The following RBBP7 variants were observed in gnomAD, a reference collection of about 807,000 sequenced individuals.
RBBP7 encodes RB binding protein 7, chromatin remodeling factor.
RBBP7 carries 5 observed loss-of-function variants against 35.2 expected under a neutral mutation model. The observed-to-expected ratio is 0.14, with a 90% CI of 0.07 to 0.30. RBBP7 has a LOEUF of 0.30. Ranked by LOEUF, RBBP7 falls within the 10% of genes least tolerant of loss-of-function variation. The probability of loss-of-function intolerance (pLI) is 1.00; values close to 1 mark genes in which losing one functional copy is unlikely to be tolerated. For missense variants in RBBP7, 155 were observed against 327.5 expected (o/e 0.47, Z 4.07); for synonymous variants, 140 against 118.7 (o/e 1.18, Z -1.17).
chrX:16,865,353 G>GT (rs765069710), intron 2 of RBBP7, among the ~76,000 whole-genome samples: 1 of 112,157 alleles, frequency 8.9e-6, no homozygotes, highest in East Asian at 2.8e-4. Flanking sequence ...AAAGTCACTT[G>GT]TTTTTTGTGG....
At chrX:16,867,142 T>G (rs921010004) in intron 2 of RBBP7, among the ~76,000 whole-genome samples, 1 of 111,801 alleles carries the variant, frequency 8.9e-6, no homozygotes, top group Non-Finnish European at 1.9e-5. Flanking sequence ...CCACTTACCG[T>G]GTACTTATGC....
intron 10 of RBBP7, chrX:16,846,441 A>G (rs1205653413): frequency 1.8e-5 from 2 of 111,375 alleles, no homozygotes; most frequent in Non-Finnish European, 3.8e-5. Flanking sequence ...TCCCCTCTCC[A>G]CTTTACTGAG....
rs759114741 is a variant in RBBP7, at chrX:16,862,323, A to G, written c.307+632T>C. On this transcript the variant is annotated intron_variant, in intron 3 of 11. Transcript: ENST00000380087. ...CATGGGAATACCAAAACAGGAGAGT[A>G]TATGTTTGACAAATTAAAAAAAGAA... Among the ~76,000 whole-genome samples the G allele has an allele frequency of 7.2e-5, 8 of 111,368 alleles. No homozygotes were observed. The Admixed American group carries it at 7.7e-4, about 11-fold the overall frequency.
intron 11 of RBBP7, 80 bp from the exon 12 acceptor site, chrX:16,845,183 T>C (rs1930041863): frequency 3.2e-6 from 2 of 631,295 alleles, no homozygotes; most frequent in East Asian, 7.0e-5. Context: ...TTAATCTATT[T>C]AGAACTTAAT....
chrX:16,845,797 A>G, intron 11 of RBBP7, 31 bp downstream of exon 11: 2 of 1,191,801 alleles, frequency 1.7e-6, no homozygotes, highest in Middle Eastern at 4.7e-4. Context: ...CCTTTACAAG[A>G]CAGTCATTCA....
chrX:16,856,198 G>A (rs184560587), intron 5 of RBBP7, among the ~76,000 whole-genome samples: 53 of 110,323 alleles, frequency 4.8e-4, no homozygotes, highest in Admixed American at 3.3e-3. Context: ...TACAAGAAAA[G>A]ATGCTCATCA....
chrX:16,853,582 C>T, intron 6 of RBBP7, 100 bp downstream of exon 6: 2 of 841,426 alleles, frequency 2.4e-6, no homozygotes, highest in South Asian at 3.8e-5. Flanking sequence ...TTTTTAAAGC[C>T]ATAACTTAAA....
At chrX:16,845,218 T>C in intron 11 of RBBP7, 115 bp from the exon 12 acceptor site, 1 of 546,777 alleles carries the variant, frequency 1.8e-6, no homozygotes, top group Non-Finnish European at 2.9e-6. Flanking sequence ...ATTTCTCTCT[T>C]AAAAACTTCA....
At chrX:16,869,354 G>C in intron 1 of RBBP7, 134 bp from the exon 2 acceptor site, 1 of 1,053,918 alleles carries the variant, frequency 9.5e-7, no homozygotes, top group Admixed American at 2.8e-5. Context: ...ACAACTAACT[G>C]CTCTTCCAGA....
chrX:16,849,894 AAT>A (rs1254577560), intron 9 of RBBP7, among the ~76,000 whole-genome samples: 1 of 112,410 alleles, frequency 8.9e-6, no homozygotes, highest in African/African-American at 3.2e-5. Context: ...AACTTTGAGA[AAT>A]GTGTAAGCCA....
In RBBP7 at chrX:16,869,861, C is replaced by A. The variant is rs1930733903; in HGVS notation, c.16+177G>T. ...CGCCCGGCTCCGGAAGTGCTCGGAGCCCTCGGCGCGGCGGTCCCGTCCCGC... is the reference window on the plus strand; with the variant it reads ...CGCCCGGCTCCGGAAGTGCTCGGAGACCTCGGCGCGGCGGTCCCGTCCCGC... On this transcript the variant is annotated intron_variant, in intron 1 of 11. Coordinates refer to ENST00000380087, the MANE Select transcript of RBBP7 (RefSeq NM_002893.4). 8 of 843,729 alleles carry A rather than the reference C, an allele frequency of 9.5e-6. No homozygotes were observed. The South Asian group carries it at 3.9e-4, about 41-fold the overall frequency. 69.5% of individuals were successfully genotyped at this position (843,729 alleles called of 1,213,427 possible).
chrX:16,853,099 A>AT (rs1274886823), intron 6 of RBBP7: 2 of 424,317 alleles, frequency 4.7e-6, no homozygotes, highest in Non-Finnish European at 7.7e-6. Context: ...TTAGATTCCT[A>AT]TTTTAATTAC....
intron 2 of RBBP7, among the ~76,000 whole-genome samples, chrX:16,864,405 G>A (rs1930548810): frequency 9.2e-6 from 1 of 108,886 alleles, no homozygotes; most frequent in African/African-American, 3.4e-5. Flanking sequence ...TGTAATCCCA[G>A]CTACTCAGGA....
At chrX:16,854,235 A>G (rs186580354) in intron 5 of RBBP7, among the ~76,000 whole-genome samples, 65 of 111,813 alleles carry the variant, frequency 5.8e-4, no homozygotes, top group African/African-American at 1.9e-3. Context: ...TTCATTACAA[A>G]CAAAACTATT....
Position 16,862,968 on chromosome X carries a change from G to A in RBBP7, c.294C>T (p.Asp98=). The A allele has an allele frequency of 1.7e-6, 2 of 1,210,875 alleles. No individual in the cohort carries two copies. ...TGATATACCTACCACCCTTGTCACT[G>A]TCACAATGGGAAGCATCAAACTGTG... The part of the protein sequence containing the change: ...DDAQFDASHC[D]SDKGEFGGFG... The change falls in exon 3 of 12, where the codon GAC becomes GAT. Residue 98 remains aspartate, a synonymous_variant. Coordinates refer to ENST00000380087, the MANE Select transcript of RBBP7 (RefSeq NM_002893.4).
intron 4 of RBBP7, 91 bp from the exon 5 acceptor site, chrX:16,857,800 G>A: frequency 9.0e-7 from 1 of 1,106,172 alleles, no homozygotes. Context: ...AACCATTACA[G>A]CAACTGCACA....
intron 1 of RBBP7, chrX:16,869,456 G>A (rs994956260): frequency 5.2e-6 from 6 of 1,157,145 alleles, no homozygotes; most frequent in Non-Finnish European, 6.9e-6. Context: ...CAATTACACG[G>A]ACATGGAAAT....
chrX:16,853,457 A>T, intron 6 of RBBP7: 1 of 288,327 alleles, frequency 3.5e-6, no homozygotes. Context: ...ACCATACCCA[A>T]CTAATTTTTT....
intron 2 of RBBP7, 43 bp from the exon 3 acceptor site, chrX:16,863,143 T>C: frequency 8.8e-7 from 1 of 1,139,969 alleles, no homozygotes; most frequent in Non-Finnish European, 1.2e-6. Context: ...CTACAAGAAA[T>C]CTCCAATTGC....
Sources: gnomAD v4.1 joint callset for allele counts (sites outside exome capture counted in the v4.1 genomes callset) on GRCh38, gnomAD v4.1.1 for gene constraint, MANE v1.5 for transcripts, NCBI Gene and HGNC (gene_info 2026-07-23, HGNC 2026-07-21) for gene names.